Variants in COL4A4 observed in about 807,000 individuals in gnomAD.
COL4A4 encodes collagen alpha-4(IV) chain.
In COL4A4, 105 loss-of-function variants were observed where a neutral mutation model predicts 192.9. The ratio of observed to expected loss-of-function variants is 0.54; its 90% CI spans 0.46 to 0.64. The LOEUF is 0.64. COL4A4 is among the 30% of genes least tolerant of loss of function. The probability of loss-of-function intolerance (pLI) is 0.00; values close to 1 mark genes in which losing one functional copy is unlikely to be tolerated. For synonymous variants in COL4A4, 762 were observed against 769.9 expected, an observed-to-expected ratio of 0.99 and a Z score of 0.17; for missense variants, 1,967 against 2,169.3, an observed-to-expected ratio of 0.91 and a Z score of 1.85.
intron 34 of COL4A4, 129 bp downstream of exon 34, chr2:227,049,939 C>A: frequency 1.2e-6 from 1 of 836,776 alleles, no homozygotes; most frequent in South Asian, 1.4e-5. Flanking sequence ...GACTGTCTAA[C>A]AAGAGCCCCT....
At chr2:227,104,779 T>C (rs948227955) in intron 12 of COL4A4, among the ~76,000 whole-genome samples, 6 of 151,082 alleles carry the variant, frequency 4.0e-5, no homozygotes, top group Non-Finnish European at 7.4e-5. Context: ...TAGCTGGGAT[T>C]ACAGGCATGC....
At position 227,059,600 on chromosome 2, in the gene COL4A4, G is replaced by C. The variant is rs1263214485; in HGVS notation, c.2188C>G (p.Pro730Ala). Reference protein sequence around the residue: ...PPGFRGDMGDPGFGGEKGSSP... With the variant: ...PPGFRGDMGDAGFGGEKGSSP... ...GACCCCTTTTCACCTCCAAAACCCGGATCTCCCATGTCACCACGAAAACCT... is the reference window on the plus strand; with the variant it reads ...GACCCCTTTTCACCTCCAAAACCCGCATCTCCCATGTCACCACGAAAACCT... Residue 730 changes from proline to alanine, a missense_variant, in exon 28 of 48, where the codon CCG (proline) becomes GCG (alanine). By Grantham distance (27) the Pro-to-Ala change is conservative. Coordinates refer to ENST00000396625, the MANE Select transcript of COL4A4 (RefSeq NM_000092.5). 1 of 1,613,872 alleles carries C rather than the reference G, an allele frequency of 6.2e-7. No individual in the cohort carries two copies. The highest frequency in any genetic ancestry group is 1.1e-5 in the South Asian group (1 of 91,068).
intron 25 of COL4A4, among the ~76,000 whole-genome samples, chr2:227,068,847 G>C (rs1159105858): frequency 2.7e-5 from 4 of 148,836 alleles, no homozygotes; most frequent in East Asian, 2.0e-4. Context: ...ATTCAACATA[G>C]TGTTGGAAGT....
intron 24 of COL4A4, 37 bp downstream of exon 24, chr2:227,080,406 A>G (rs377572909): frequency 1.3e-6 from 2 of 1,552,710 alleles, no homozygotes; most frequent in South Asian, 2.2e-5. Context: ...CCATATAAGA[A>G]AGTGAAATTC....
chr2:227,092,621 T>C (rs1339483579), intron 20 of COL4A4, among the ~76,000 whole-genome samples: 1 of 152,192 alleles, frequency 6.6e-6, no homozygotes, highest in African/African-American at 2.4e-5. Context: ...ATTATAAGTA[T>C]ATTGAAAACC....
chr2:227,089,901 G>C lies in COL4A4; in HGVS notation c.1426C>G (p.Pro476Ala), dbSNP rs780544830. The change falls in exon 21 of 48, where the codon CCC becomes GCC. Residue 476 changes from proline to alanine, a missense_variant. Physicochemically the swap from Pro to Ala is conservative, Grantham distance 27. Coordinates refer to ENST00000396625, the MANE Select transcript of COL4A4 (RefSeq NM_000092.5). ...CCTTTTGGGCCTCTTCCTCCTGGGGGACCAACTTTGCCTTTTATTCCTTGT... is the reference window on the plus strand; with the variant it reads ...CCTTTTGGGCCTCTTCCTCCTGGGGCACCAACTTTGCCTTTTATTCCTTGT... The part of the protein sequence containing the change: ...GPQGIKGKVG[P>A]PGGRGPKGEK... 1 of 1,613,542 alleles carries C rather than the reference G, an allele frequency of 6.2e-7. No individual in the cohort carries two copies. The highest frequency in any genetic ancestry group is 8.5e-7 in the Non-Finnish European group (1 of 1,179,716).
chr2:227,031,178 T>C (rs1968308517), intron 40 of COL4A4, among the ~76,000 whole-genome samples: 1 of 152,234 alleles, frequency 6.6e-6, no homozygotes, highest in African/African-American at 2.4e-5. Flanking sequence ...TTCCCACAAA[T>C]AGGAATAAAT....
intron 4 of COL4A4, among the ~76,000 whole-genome samples, chr2:227,137,808 C>T (rs2062918818): frequency 6.6e-6 from 1 of 152,094 alleles, no homozygotes; most frequent in African/African-American, 2.4e-5. Flanking sequence ...TATCTTGGTC[C>T]TGAAGCTCAA....
intron 18 of COL4A4, 98 bp downstream of exon 18, chr2:227,099,522 T>A: frequency 1.9e-6 from 2 of 1,078,556 alleles, no homozygotes; most frequent in Admixed American, 3.5e-5. Flanking sequence ...GCCTGCCTAG[T>A]GTGCAAGCTA....
intron 43 of COL4A4, chr2:227,022,436 A>T: frequency 2.9e-6 from 2 of 680,368 alleles, no homozygotes; most frequent in Non-Finnish European, 5.6e-6. Flanking sequence ...GTATCAGAGG[A>T]TGCAGAAGTA....
At chr2:227,007,938 G>C (rs1962526210) in intron 47 of COL4A4, 80 bp downstream of exon 47, 6 of 1,537,448 alleles carry the variant, frequency 3.9e-6, no homozygotes. Flanking sequence ...CAGAATTACT[G>C]TCCAATCCAG....
chr2:226,994,030 G>A, the COL4A4 span, among the ~76,000 whole-genome samples: 2 of 152,184 alleles, frequency 1.3e-5, no homozygotes, highest in South Asian at 2.1e-4. Context: ...GAACATTTGG[G>A]TTCTGCAAAT....
chr2:227,103,206 T>C lies in COL4A4; in HGVS notation c.817-9A>G. The stretch of plus-strand genomic sequence containing the variant: ...GGAATTCCTTTTATACCCTAAAAAT[T>C]ACAATGAATATAATTTGGTCTATTC... On this transcript the variant is annotated splice_polypyrimidine_tract_variant and intron_variant, in intron 13 of 47. Coordinates refer to ENST00000396625, the MANE Select transcript of COL4A4 (RefSeq NM_000092.5). 1 of 1,606,388 alleles carries C rather than the reference T, an allele frequency of 6.2e-7. No homozygotes were observed. The highest frequency in any genetic ancestry group is 8.5e-7 in the Non-Finnish European group (1 of 1,173,676).
chr2:227,094,073 A>G, intron 20 of COL4A4, 52 bp downstream of exon 20: 1 of 1,521,964 alleles, frequency 6.6e-7, no homozygotes, highest in African/African-American at 1.4e-5. Context: ...GTGGCACTGC[A>G]AATATCAAAA....
intron 7 of COL4A4, among the ~76,000 whole-genome samples, chr2:227,117,982 G>C (rs1327849191): frequency 6.6e-6 from 1 of 152,216 alleles, no homozygotes; most frequent in Non-Finnish European, 1.5e-5. Context: ...AGGAGATGTG[G>C]AAGGCAGAAG....
chr2:227,031,683 T>A (rs1968438047), intron 40 of COL4A4, among the ~76,000 whole-genome samples: 1 of 152,170 alleles, frequency 6.6e-6, no homozygotes, highest in Non-Finnish European at 1.5e-5. Flanking sequence ...AAACGCTTGC[T>A]TATCAGTTTC....
chr2:227,081,117 T>C (rs1464314077), intron 23 of COL4A4, among the ~76,000 whole-genome samples: 1 of 152,198 alleles, frequency 6.6e-6, no homozygotes, highest in Non-Finnish European at 1.5e-5. Context: ...TGATGGTTAA[T>C]ATTAAGTGTC....
chr2:227,103,839 C>T (rs2150803595), intron 13 of COL4A4, 133 bp downstream of exon 13: 1 of 741,884 alleles, frequency 1.3e-6, no homozygotes, highest in Non-Finnish European at 2.4e-6. Flanking sequence ...ACAGTAGTAC[C>T]AACTTATTAA....
At chr2:227,092,206 G>A (rs760425274) in intron 20 of COL4A4, among the ~76,000 whole-genome samples, 3 of 152,110 alleles carry the variant, frequency 2.0e-5, no homozygotes, top group African/African-American at 4.8e-5. Flanking sequence ...AAATCCTGAG[G>A]GAGAAAGATT....
Sources: gnomAD v4.1 joint callset for allele counts (sites outside exome capture counted in the v4.1 genomes callset) on GRCh38, gnomAD v4.1.1 for gene constraint, MANE v1.5 for transcripts, NCBI Gene and HGNC (gene_info 2026-07-23, HGNC 2026-07-21) for gene names.